ITPR1: variants seen among roughly 807,000 people sequenced by gnomAD.
ITPR1 encodes inositol 1,4,5-trisphosphate receptor type 1.
ITPR1 carries 96 observed loss-of-function variants against 318.4 expected under a neutral mutation model. The ratio of observed to expected loss-of-function variants is 0.30; its 90% CI spans 0.26 to 0.36. ITPR1 has a LOEUF of 0.36. Ranked by LOEUF, ITPR1 falls within the 10% of genes least tolerant of loss-of-function variation. The pLI, the probability that ITPR1 is intolerant of heterozygous loss-of-function variation, is 1.00. For synonymous variants in ITPR1, 1,312 were observed against 1,289.9 expected (o/e 1.02, Z -0.37); for missense variants, 2,440 against 3,460.2 (o/e 0.71, Z 7.40).
chr3:4,738,598 C>T (rs1018846304), intron 44 of ITPR1, among the ~76,000 whole-genome samples: 1 of 152,226 alleles, frequency 6.6e-6, no homozygotes, highest in African/African-American at 2.4e-5. Context: ...GGGCCGCCAG[C>T]ACTGAGGCTC....
chr3:4,694,598 G>A (rs1180161972), intron 33 of ITPR1, among the ~76,000 whole-genome samples: 2 of 152,080 alleles, frequency 1.3e-5, no homozygotes, highest in Non-Finnish European at 2.9e-5. Context: ...TACACACCTC[G>A]GCTATATGGT....
intron 44 of ITPR1, chr3:4,749,629 A>G (rs1375344274): frequency 2.0e-5 from 3 of 152,220 alleles, no homozygotes; most frequent in Non-Finnish European, 2.9e-5. Context: ...TTCAAGCCAC[A>G]CATTCTAAGA....
chr3:4,768,725 C>G lies in ITPR1; in HGVS notation c.5940C>G (p.Phe1980Leu). ...VITIMQPILR[F>L]LQLLCENHNR... ...CCATCATGCAGCCCATCCTCCGCTT[C>G]CTTCAGCTCCTGTGTGAAAACCACA... The change falls in exon 46 of 62, where the codon TTC (phenylalanine) becomes TTG (leucine). Residue 1980 changes from phenylalanine to leucine, a missense_variant. By Grantham distance (22) the Phe-to-Leu change is conservative. Coordinates refer to ENST00000649015, the MANE Select transcript of ITPR1 (RefSeq NM_001378452.1). 6.2e-7 allele frequency: 1 copy of G among 1,613,406 alleles called. No individual in the cohort carries two copies. Among genetic ancestry groups the G allele is most frequent in the South Asian group, 1.1e-5 (1 of 91,068 alleles).
At chr3:4,515,203 T>G (rs974812113) in intron 2 of ITPR1, among the ~76,000 whole-genome samples, 1 of 152,238 alleles carries the variant, frequency 6.6e-6, no homozygotes, top group African/African-American at 2.4e-5. Flanking sequence ...AAGTTTGCTT[T>G]CAGTAACTGA....
chr3:4,824,851 G>T (rs931142156), intron 60 of ITPR1, among the ~76,000 whole-genome samples: 1 of 152,134 alleles, frequency 6.6e-6, no homozygotes, highest in Admixed American at 6.5e-5. Context: ...TCAGGAAGGG[G>T]TATCAAGTGC....
intron 60 of ITPR1, among the ~76,000 whole-genome samples, chr3:4,819,062 C>T (rs759903902): frequency 7.2e-5 from 11 of 152,248 alleles, no homozygotes; most frequent in South Asian, 2.1e-4. Context: ...CTTGAGTGCT[C>T]GGCCTGATAA....
At chr3:4,780,122 A>C (rs2046733031) in intron 49 of ITPR1, among the ~76,000 whole-genome samples, 1 of 152,064 alleles carries the variant, frequency 6.6e-6, no homozygotes, top group Non-Finnish European at 1.5e-5. Flanking sequence ...CCATAAAAGG[A>C]CAATAATAAT....
At chr3:4,829,005 C>T (rs1479407206) in intron 60 of ITPR1, among the ~76,000 whole-genome samples, 2 of 152,170 alleles carry the variant, frequency 1.3e-5, no homozygotes, top group African/African-American at 2.4e-5. Flanking sequence ...AGAGTCAATA[C>T]GTGGATTGCA....
intron 20 of ITPR1, among the ~76,000 whole-genome samples, chr3:4,671,341 T>C (rs1204584519): frequency 6.6e-6 from 1 of 152,256 alleles, no homozygotes. Context: ...CAAATGTTTA[T>C]AGACAGAGAC....
chr3:4,684,972 A>T, intron 29 of ITPR1, 97 bp from the exon 30 acceptor site: 1 of 1,235,978 alleles, frequency 8.1e-7, no homozygotes, highest in South Asian at 1.3e-5. Flanking sequence ...TTAATGCATT[A>T]TAATCCCCTT....
intron 18 of ITPR1, 63 bp from the exon 19 acceptor site, chr3:4,669,590 TG>T: frequency 6.6e-7 from 1 of 1,509,124 alleles, no homozygotes; most frequent in Non-Finnish European, 8.9e-7. Context: ...AAGGAAGAAT[TG>T]GGGTCCAGGA....
In ITPR1 at chr3:4,624,670, CAAA is replaced by C. The variant is rs1161664837; in HGVS notation, c.164-3072_164-3070del. ...GGGCAACAGAGCCAGGCTCTGTCTC[CAAA>C]AAAAAAAAAAAAAAAAAAAAGATTA... On this transcript the variant is annotated intron_variant, in intron 4 of 61. Transcript: ENST00000649015. Among the ~76,000 whole-genome samples, 532 of 72,466 alleles carry C rather than the reference CAAA, an allele frequency of 7.3e-3. 4 individuals carry two copies. The highest frequency in any genetic ancestry group is 9.9e-3 in the Non-Finnish European group (326 of 32,902). The allele number at this position is 72,466 out of a possible 152,430, so 47.5% of individuals were successfully genotyped here. A position where few individuals can be genotyped will look rare whatever the true frequency, so the allele number is the denominator to read the frequency against.
chr3:4,564,160 C>T (rs890105513), intron 4 of ITPR1, among the ~76,000 whole-genome samples: 5 of 152,078 alleles, frequency 3.3e-5, no homozygotes, highest in African/African-American at 9.7e-5. Flanking sequence ...AGGCTGGTCT[C>T]GAGCTCCTGA....
chr3:4,768,831 A>T, intron 46 of ITPR1, 67 bp downstream of exon 46: 1 of 1,491,656 alleles, frequency 6.7e-7, no homozygotes, highest in Non-Finnish European at 9.2e-7. Context: ...CCTTCCTCTG[A>T]TGGTTCAGCA....
intron 52 of ITPR1, among the ~76,000 whole-genome samples, chr3:4,791,733 T>A (rs1575265529): frequency 6.6e-6 from 1 of 152,290 alleles, no homozygotes; most frequent in East Asian, 1.9e-4. Context: ...CCAAGCTGTT[T>A]GTGACTAGAG....
intron 26 of ITPR1, among the ~76,000 whole-genome samples, 192 bp from the exon 27 acceptor site, chr3:4,683,194 G>A (rs1163078838): frequency 6.6e-6 from 1 of 152,172 alleles, no homozygotes; most frequent in African/African-American, 2.4e-5. Flanking sequence ...CATCTTCCTT[G>A]TCCCCTCACC....
Position 4,768,623 on chromosome 3 carries a change from C to T in ITPR1, c.5838C>T (p.Asp1946=), listed in dbSNP as rs755937487. ...TTFRREADPD[D]HYQPGEGTQA... ...TCAGGAGGGAGGCTGATCCCGACGACCACTACCAGCCTGGAGAGGGCACCC... is the reference window on the plus strand; with the variant it reads ...TCAGGAGGGAGGCTGATCCCGACGATCACTACCAGCCTGGAGAGGGCACCC... Residue 1946 remains aspartate (D), a synonymous_variant, in exon 46 of 62, where the codon GAC becomes GAT. Coordinates refer to ENST00000649015, the MANE Select transcript of ITPR1 (RefSeq NM_001378452.1). The T allele has an allele frequency of 5.6e-6, 9 of 1,613,916 alleles. No homozygotes were observed. Among genetic ancestry groups the T allele is most frequent in the Non-Finnish European group, 6.8e-6 (8 of 1,179,914 alleles).
intron 46 of ITPR1, among the ~76,000 whole-genome samples, chr3:4,772,517 T>A (rs894157120): frequency 2.0e-5 from 3 of 152,252 alleles, no homozygotes; most frequent in Admixed American, 6.5e-5. Flanking sequence ...CCAGTTGGCA[T>A]GTGTTTGGGG....
At chr3:4,588,952 C>G (rs1288929542) in intron 4 of ITPR1, among the ~76,000 whole-genome samples, 8 of 152,142 alleles carry the variant, frequency 5.3e-5, no homozygotes, top group Admixed American at 5.2e-4. Flanking sequence ...TAGTCTACAG[C>G]CCTCATTCTG....
Sources: allele counts gnomAD v4.1 joint callset (sites outside exome capture counted in the v4.1 genomes callset), GRCh38; gene constraint gnomAD v4.1.1; transcripts MANE v1.5; gene names NCBI Gene and HGNC (gene_info 2026-07-23, HGNC 2026-07-21).